The following TMT1B variants were observed in gnomAD, a reference collection of about 807,000 sequenced individuals.
The protein encoded by TMT1B is thiol methyltransferase 1B, also known as thiol S-methyltransferase TMT1B.
the TMT1B span, chr12:55,682,059 A>G: frequency 2.5e-6 from 4 of 1,614,106 alleles, no homozygotes; most frequent in African/African-American, 5.3e-5. Context: ...CCAAATCCCC[A>G]CTTTGAGAAG....
the TMT1B span, chr12:55,684,073 C>A: frequency 6.2e-7 from 1 of 1,603,872 alleles, no homozygotes; most frequent in South Asian, 1.1e-5. Flanking sequence ...CCAAGGCACT[C>A]ATTTGCTCCT....
At chr12:55,683,757 A>T in the TMT1B span, 2 of 1,548,140 alleles carry the variant, frequency 1.3e-6, no homozygotes, top group Non-Finnish European at 1.8e-6. Context: ...GATCAGCGCG[A>T]TAGGGAGCAG....
At chr12:55,683,768 G>A in the TMT1B span, 3 of 1,576,692 alleles carry the variant, frequency 1.9e-6, no homozygotes, top group Admixed American at 1.7e-5. Flanking sequence ...TAGGGAGCAG[G>A]GTCAGAATGG....
the TMT1B span, among the ~76,000 whole-genome samples, chr12:55,683,025 G>A: frequency 6.6e-6 from 1 of 152,152 alleles, no homozygotes; most frequent in Non-Finnish European, 1.5e-5. Context: ...AGCTGTTTTG[G>A]ACTTACTAGG....
chr12:55,684,026 A>G, the TMT1B span: 13 of 1,613,490 alleles, frequency 8.1e-6, no homozygotes, highest in South Asian at 9.9e-5. Context: ...TGGGCCCCAC[A>G]TCATGGGAAA....
chr12:55,682,626 A>T, the TMT1B span, among the ~76,000 whole-genome samples: 1 of 141,736 alleles, frequency 7.1e-6, no homozygotes, highest in South Asian at 2.2e-4. Flanking sequence ...AAAAAAAAAA[A>T]AATACAAAAG....
the TMT1B span, chr12:55,684,126 A>G: frequency 1.3e-5 from 17 of 1,347,040 alleles, no homozygotes; most frequent in African/African-American, 1.7e-4. Context: ...CAGCCTATCT[A>G]TCTTCCACTG....
the TMT1B span, chr12:55,684,346 A>G: frequency 2.5e-4 from 92 of 367,120 alleles, no homozygotes; most frequent in African/African-American, 1.6e-3. Context: ...TTGCCTCCCA[A>G]TGTTGTCCCT....
the TMT1B span, chr12:55,684,144 C>A: frequency 1.7e-6 from 2 of 1,162,714 alleles, no homozygotes; most frequent in Non-Finnish European, 2.5e-6. Flanking sequence ...CTGAGAGGGA[C>A]CTAGCAGAAT....
the TMT1B span, chr12:55,682,139 G>T: frequency 1.9e-6 from 3 of 1,614,082 alleles, no homozygotes; most frequent in South Asian, 3.3e-5. Context: ...TCCTGGAGAG[G>T]ACATGAGACA....
the TMT1B span, chr12:55,681,761 A>T: frequency 6.5e-7 from 1 of 1,549,452 alleles, no homozygotes; most frequent in Non-Finnish European, 8.7e-7. Flanking sequence ...TGCCATGGAC[A>T]TCCTGGTCCC....
chr12:55,684,115 C>T, the TMT1B span: 2 of 1,447,028 alleles, frequency 1.4e-6, no homozygotes, highest in Middle Eastern at 2.4e-4. Flanking sequence ...AAGCCACCCA[C>T]CAGCCTATCT....
At chr12:55,683,859 G>T in the TMT1B span, 1 of 1,614,108 alleles carries the variant, frequency 6.2e-7, no homozygotes. Flanking sequence ...CCATATGGAA[G>T]CTGGGCCTTC....
chr12:55,683,770 T>A, the TMT1B span: 1 of 1,585,866 alleles, frequency 6.3e-7, no homozygotes, highest in South Asian at 1.1e-5. Flanking sequence ...GGGAGCAGGG[T>A]CAGAATGGAG....
At chr12:55,682,020 C>T in the TMT1B span, 3 of 1,614,266 alleles carry the variant, frequency 1.9e-6, no homozygotes, top group South Asian at 3.3e-5. Context: ...CAGTTCTACC[C>T]ACCGGGCTGC....
the TMT1B span, chr12:55,684,104 C>A: frequency 1.3e-6 from 2 of 1,519,696 alleles, no homozygotes; most frequent in Non-Finnish European, 1.8e-6. Flanking sequence ...CCAATTAGAA[C>A]AAGCCACCCA....
At chr12:55,682,307 C>T in the TMT1B span, 1 of 1,555,114 alleles carries the variant, frequency 6.4e-7, no homozygotes, top group African/African-American at 1.4e-5. Flanking sequence ...GCATCAGCCG[C>T]CCCAGGGTTC....
the TMT1B span, chr12:55,683,998 C>T: frequency 6.2e-7 from 1 of 1,613,890 alleles, no homozygotes; most frequent in Non-Finnish European, 8.5e-7. Flanking sequence ...AGCCCCCTCC[C>T]TTGAAGTGGC....
the TMT1B span, chr12:55,682,246 G>C: frequency 6.2e-7 from 1 of 1,610,164 alleles, no homozygotes; most frequent in Non-Finnish European, 8.5e-7. Flanking sequence ...GGAGAGTACT[G>C]AGACCGGTAA....
Sources: gnomAD v4.1 joint callset for allele counts (sites outside exome capture counted in the v4.1 genomes callset) on GRCh38, gnomAD v4.1.1 for gene constraint, MANE v1.5 for transcripts, NCBI Gene and HGNC (gene_info 2026-07-23, HGNC 2026-07-21) for gene names.